Variants in SDHAF4 observed in about 807,000 individuals in gnomAD.
SDHAF4 encodes the protein succinate dehydrogenase complex assembly factor 4, also known as succinate dehydrogenase assembly factor 4, mitochondrial.
A neutral mutation model predicts 14.3 loss-of-function variants in SDHAF4; 14 were observed. The observed-to-expected ratio is 0.98, with a 90% CI of 0.65 to 1.53. SDHAF4 has a LOEUF of 1.53. Ranked by LOEUF, SDHAF4 falls within the 40% of genes most tolerant of loss-of-function variation. SDHAF4 has a pLI of 0.00. For missense variants in SDHAF4, 141 were observed against 129.3 expected (o/e 1.09, Z -0.44); for synonymous variants, 63 against 47.3 (o/e 1.33, Z -1.36).
chr6:70,593,439 A>G (rs1765276226), downstream of SDHAF4, among the ~76,000 whole-genome samples: 1 of 152,230 alleles, frequency 6.6e-6, no homozygotes, highest in Non-Finnish European at 1.5e-5. Flanking sequence ...CCAACAGAGC[A>G]GTGCACTCTG....
chr6:70,592,190 T>C (rs1765263486), downstream of SDHAF4, among the ~76,000 whole-genome samples: 1 of 152,226 alleles, frequency 6.6e-6, no homozygotes, highest in Admixed American at 6.5e-5. Context: ...TATTTAGTTA[T>C]AGCAACTTGG....
rs1393695919 is a variant in SDHAF4, at chr6:70,579,565, A to G, written c.216A>G (p.Glu72=). Residue 72 remains glutamate (E), a splice_region_variant and synonymous_variant, in exon 2 of 3, where the codon GAA becomes GAG. Coordinates refer to ENST00000370474, the MANE Select transcript of SDHAF4 (RefSeq NM_145267.3). Reference sequence around the variant, plus strand: ...CCCATTTAGAGAAAGAACCACTGGAAAGTAAGTATAATAAAGCACCTCTCA... The same window carrying G: ...CCCATTTAGAGAAAGAACCACTGGAGAGTAAGTATAATAAAGCACCTCTCA... ...EDSHLEKEPL[E]KFPDDVNPVT... 2.5e-6 allele frequency: 4 copies of G among 1,589,794 alleles called. No homozygotes were observed. The highest frequency in any genetic ancestry group is 3.4e-6 in the Non-Finnish European group (4 of 1,167,576).
intron 1 of SDHAF4, among the ~76,000 whole-genome samples, chr6:70,577,938 A>AT (rs1158266213): frequency 2.6e-5 from 4 of 152,194 alleles, no homozygotes; most frequent in African/African-American, 9.7e-5. Flanking sequence ...TCCATGGTAT[A>AT]TATGTACCAC....
At chr6:70,567,027 A>G (rs1473806654) in intron 1 of SDHAF4, 23 bp downstream of exon 1, 1 of 1,567,768 alleles carries the variant, frequency 6.4e-7, no homozygotes, top group Non-Finnish European at 8.6e-7. Context: ...CCTCGGGGCC[A>G]CGGTCGCGGG....
chr6:70,592,690 C>T (rs1765268595), downstream of SDHAF4, among the ~76,000 whole-genome samples: 1 of 152,174 alleles, frequency 6.6e-6, no homozygotes, highest in African/African-American at 2.4e-5. Flanking sequence ...CTTTTAACCA[C>T]TTACATTGAA....
In SDHAF4 at chr6:70,570,592, G is replaced by GC. The variant is rs1268929502; in HGVS notation, c.64+3594dup. 4.2e-3 allele frequency among the ~76,000 whole-genome samples: 610 copies of GC among 145,442 alleles called. 11 individuals carry two copies. Among genetic ancestry groups the GC allele is most frequent in the African/African-American group, 0.013 (516 of 38,592 alleles). On this transcript the variant is annotated intron_variant, in intron 1 of 2. Transcript: ENST00000370474. ...TGGGATTACAGGCGAGAGCCACCGT[G>GC]CCCCCCACCACCCTCCCTGTCTAAT...
intron 1 of SDHAF4, chr6:70,567,772 G>C (rs1225657787): frequency 6.6e-6 from 1 of 152,154 alleles, no homozygotes; most frequent in African/African-American, 2.4e-5. Flanking sequence ...TGCAAGCTCT[G>C]CCTCCCAGGT....
At chr6:70,587,792 G>T (rs1338368464) in intron 2 of SDHAF4, among the ~76,000 whole-genome samples, 2 of 152,312 alleles carry the variant, frequency 1.3e-5, no homozygotes, top group East Asian at 3.9e-4. Context: ...AGCCTGGCTT[G>T]TGATGGGGAT....
At chr6:70,598,100 G>A in the SDHAF4 span, among the ~76,000 whole-genome samples, 9 of 152,274 alleles carry the variant, frequency 5.9e-5, no homozygotes, top group African/African-American at 1.4e-4. Flanking sequence ...TTTGCAGGCC[G>A]GATGTCGTGG....
Position 70,588,654 on chromosome 6 carries a change from G to A in SDHAF4, c.257G>A (p.Gly86Asp). 2 of 1,600,874 alleles carry A rather than the reference G, an allele frequency of 1.2e-6. No homozygotes were observed. The highest frequency in any genetic ancestry group is 2.2e-5 in the East Asian group (1 of 44,782). ...GTTAATCCAGTGACCAAAGAAAAAG[G>A]TGGACCCAGGGGCCCAGAACCTACC... ...DDVNPVTKEK[G>D]GPRGPEPTRY... is the part of the protein sequence containing the mutation. Residue 86 changes from glycine (G) to aspartate (D), a missense_variant, in exon 3 of 3, where the codon GGT (glycine) becomes GAT (aspartate). By Grantham distance (94) the Gly-to-Asp change is moderately conservative. Coordinates refer to ENST00000370474, the MANE Select transcript of SDHAF4 (RefSeq NM_145267.3).
At chr6:70,571,038 C>T (rs1802172185) in intron 1 of SDHAF4, among the ~76,000 whole-genome samples, 1 of 151,726 alleles carries the variant, frequency 6.6e-6, no homozygotes, top group African/African-American at 2.4e-5. Context: ...GTATTAGCTA[C>T]AGTTATACCC....
the SDHAF4 span, among the ~76,000 whole-genome samples, chr6:70,597,785 C>T: frequency 6.6e-6 from 1 of 152,048 alleles, no homozygotes; most frequent in Non-Finnish European, 1.5e-5. Flanking sequence ...ATATATAAGC[C>T]TCCATGGACA....
At chr6:70,592,199 G>T (rs1443606162), downstream of SDHAF4, among the ~76,000 whole-genome samples, 1 of 152,154 alleles carries the variant, frequency 6.6e-6, no homozygotes, top group Non-Finnish European at 1.5e-5. Flanking sequence ...ATAGCAACTT[G>T]GGCTAAGAAA....
intron 1 of SDHAF4, among the ~76,000 whole-genome samples, chr6:70,574,545 C>G (rs1032811056): frequency 1.3e-5 from 2 of 152,112 alleles, no homozygotes; most frequent in African/African-American, 2.4e-5. Context: ...TAAGCATCAC[C>G]TGGGAGCTTG....
chr6:70,578,396 T>C (rs1407949387), intron 1 of SDHAF4, among the ~76,000 whole-genome samples: 1 of 152,228 alleles, frequency 6.6e-6, no homozygotes, highest in African/African-American at 2.4e-5. Flanking sequence ...TCTCTTCATG[T>C]CTGTTGTCCA....
chr6:70,587,214 G>T (rs1416350723), intron 2 of SDHAF4, among the ~76,000 whole-genome samples: 1 of 130,028 alleles, frequency 7.7e-6, no homozygotes, highest in Non-Finnish European at 1.7e-5. Context: ...TAGGGGTCAG[G>T]TGCAGTGGCT....
At chr6:70,580,310 G>GA (rs1386450737) in intron 2 of SDHAF4, among the ~76,000 whole-genome samples, 1 of 152,024 alleles carries the variant, frequency 6.6e-6, no homozygotes. Flanking sequence ...GGCTATAATA[G>GA]AAAAAAATGG....
At chr6:70,567,665 A>G (rs1050023254) in intron 1 of SDHAF4, 3 of 138,180 alleles carry the variant, frequency 2.2e-5, no homozygotes, top group African/African-American at 8.0e-5. Context: ...TGCAAAACAT[A>G]ATTTTATTTA....
intron 1 of SDHAF4, among the ~76,000 whole-genome samples, chr6:70,571,532 C>G (rs1296987293): frequency 1.3e-5 from 2 of 152,156 alleles, no homozygotes; most frequent in African/African-American, 4.8e-5. Context: ...CCAGGCTGAT[C>G]TCAAACTTCT....
Sources: allele counts gnomAD v4.1 joint callset (sites outside exome capture counted in the v4.1 genomes callset), GRCh38; gene constraint gnomAD v4.1.1; transcripts MANE v1.5; gene names NCBI Gene and HGNC (gene_info 2026-07-23, HGNC 2026-07-21).